The following AKT3 variants were observed in gnomAD, a reference collection of about 807,000 sequenced individuals.
AKT3 encodes AKT serine/threonine kinase 3, also known as RAC-gamma serine/threonine-protein kinase.
A neutral mutation model predicts 65.3 loss-of-function variants in AKT3; 15 were observed. That is an observed-to-expected ratio of 0.23 (90% CI 0.15 to 0.35). The LOEUF is 0.35. Ranked by LOEUF, AKT3 falls within the 10% of genes least tolerant of loss-of-function variation. The pLI, the probability that AKT3 is intolerant of heterozygous loss-of-function variation, is 1.00. For missense variants in AKT3, 243 were observed against 576.5 expected, an observed-to-expected ratio of 0.42 and a Z score of 5.92; for synonymous variants, 206 against 183.8, an observed-to-expected ratio of 1.12 and a Z score of -0.98.
chr1:243,491,559 A>C (rs1444495515), intron 13 of AKT3, among the ~76,000 whole-genome samples: 1 of 152,170 alleles, frequency 6.6e-6, no homozygotes, highest in Non-Finnish European at 1.5e-5. Flanking sequence ...GAATATCTAA[A>C]CCCAGAGCCT....
chr1:243,775,373 G>A (rs894608268), intron 2 of AKT3, among the ~76,000 whole-genome samples: 2 of 152,082 alleles, frequency 1.3e-5, no homozygotes, highest in African/African-American at 4.8e-5. Flanking sequence ...GTAGAGATGG[G>A]GTTTTACCTT....
intron 2 of AKT3, among the ~76,000 whole-genome samples, chr1:243,701,619 A>C (rs1685464473): frequency 6.6e-6 from 1 of 151,344 alleles, no homozygotes; most frequent in Non-Finnish European, 1.5e-5. Flanking sequence ...ATTAGAAACA[A>C]CACAATCACC....
chr1:243,612,178 G>A lies in AKT3; in HGVS notation c.696+1493C>T, dbSNP rs368698119. Among the ~76,000 whole-genome samples, 13 of 151,924 alleles carry A rather than the reference G, an allele frequency of 8.6e-5. No individual in the cohort carries two copies. In the East Asian group the frequency reaches 1.7e-3, roughly 20 times the overall value. ...GGCTGAAGTGCAGTGGCATGACCAT[G>A]GCTCACTGCAGCCTTGACCTCCCAG... On this transcript the variant is annotated intron_variant, in intron 8 of 13. Coordinates refer to ENST00000673466, the MANE Select transcript of AKT3 (RefSeq NM_005465.7).
Position 243,681,702 on chromosome 1 carries a change from T to C in AKT3, c.172+13889A>G, listed in dbSNP as rs571461360. Among the ~76,000 whole-genome samples the C allele has an allele frequency of 6.6e-5, 10 of 152,296 alleles. No individual in the cohort carries two copies. The South Asian group carries it at 2.1e-3, about 32-fold the overall frequency. On this transcript the variant is annotated intron_variant, in intron 3 of 13. Coordinates refer to ENST00000673466, the MANE Select transcript of AKT3 (RefSeq NM_005465.7). The stretch of plus-strand genomic sequence containing the variant: ...AGAGCTGTCATCTCTGAACACCATA[T>C]ATGATTAAATGCATTCAAACCAGGT...
chr1:243,643,084 T>A (rs1227851898), intron 5 of AKT3, among the ~76,000 whole-genome samples: 1 of 152,204 alleles, frequency 6.6e-6, no homozygotes, highest in South Asian at 2.1e-4. Context: ...ATTAGTCAAC[T>A]TCTACATTGG....
At chr1:243,745,920 G>A (rs898998616) in intron 2 of AKT3, among the ~76,000 whole-genome samples, 8 of 152,092 alleles carry the variant, frequency 5.3e-5, no homozygotes, top group Admixed American at 3.9e-4. Flanking sequence ...TGCAGTACCC[G>A]TAGTATTCAT....
At chr1:243,795,449 GTTTTTTTT>G (rs1193523598) in intron 2 of AKT3, among the ~76,000 whole-genome samples, 9 of 93,506 alleles carry the variant, frequency 9.6e-5, no homozygotes, top group African/African-American at 3.9e-4. Context: ...TGATCTCCTT[GTTTTTTTT>G]TTTTGTTTTT....
chr1:243,745,175 G>A (rs1391971511), intron 2 of AKT3, among the ~76,000 whole-genome samples: 2 of 151,760 alleles, frequency 1.3e-5, no homozygotes, highest in Non-Finnish European at 2.9e-5. Flanking sequence ...CGTCCTCTAC[G>A]GAAAATTTAA....
intron 5 of AKT3, among the ~76,000 whole-genome samples, chr1:243,644,367 T>C (rs1018975724): frequency 1.3e-5 from 2 of 152,278 alleles, no homozygotes; most frequent in South Asian, 2.1e-4. Context: ...TATCACAACC[T>C]AGTGCTAGAA....
At chr1:243,539,664 A>G (rs2148434898) in intron 12 of AKT3, among the ~76,000 whole-genome samples, 1 of 152,350 alleles carries the variant, frequency 6.6e-6, no homozygotes, top group Admixed American at 6.5e-5. Flanking sequence ...AAGAGAATTA[A>G]GCTAGGAATC....
chr1:243,497,843 T>C (rs1208698865), downstream of AKT3, among the ~76,000 whole-genome samples: 3 of 152,158 alleles, frequency 2.0e-5, no homozygotes, highest in Non-Finnish European at 2.9e-5. Flanking sequence ...CACACATGGC[T>C]AATTTTTACA....
At chr1:243,662,562 G>C (rs369795175) in intron 4 of AKT3, among the ~76,000 whole-genome samples, 1 of 121,108 alleles carries the variant, frequency 8.3e-6, no homozygotes, top group African/African-American at 3.1e-5. Flanking sequence ...GTTGTGGGGT[G>C]GGGGGAGGGG....
At chr1:243,666,661 G>A (rs1157275630) in intron 3 of AKT3, among the ~76,000 whole-genome samples, 5 of 152,120 alleles carry the variant, frequency 3.3e-5, no homozygotes, top group Non-Finnish European at 7.3e-5. Context: ...CTCGACTTAT[G>A]ACTGTGTTAC....
chr1:243,562,316 G>C (rs1673847771), intron 10 of AKT3, among the ~76,000 whole-genome samples: 1 of 152,122 alleles, frequency 6.6e-6, no homozygotes, highest in Admixed American at 6.5e-5. Flanking sequence ...GTTGCCTGTG[G>C]CGGAAGGAAG....
chr1:243,667,190 A>G (rs1402634097), intron 3 of AKT3, among the ~76,000 whole-genome samples: 2 of 152,210 alleles, frequency 1.3e-5, no homozygotes, highest in African/African-American at 4.8e-5. Context: ...TTCCACTGCT[A>G]TAATTCTACT....
intron 3 of AKT3, among the ~76,000 whole-genome samples, chr1:243,694,126 A>G (rs1198659959): frequency 6.6e-6 from 1 of 152,184 alleles, no homozygotes; most frequent in East Asian, 1.9e-4. Flanking sequence ...CATTTTGATC[A>G]GCAGATACAA....
At chr1:243,496,627 TCTC>T (rs1290072326), downstream of AKT3, among the ~76,000 whole-genome samples, 2 of 152,084 alleles carry the variant, frequency 1.3e-5, no homozygotes, top group African/African-American at 4.8e-5. Context: ...CCCGGGCAGG[TCTC>T]CTGTGAGCAG....
chr1:243,810,913 A>G (rs1225988406), intron 2 of AKT3, among the ~76,000 whole-genome samples: 1 of 152,186 alleles, frequency 6.6e-6, no homozygotes, highest in East Asian at 1.9e-4. Context: ...TAAACAGAAC[A>G]ACGACAAAAA....
At chr1:243,667,923 T>TC (rs1216108858) in intron 3 of AKT3, among the ~76,000 whole-genome samples, 2 of 151,998 alleles carry the variant, frequency 1.3e-5, no homozygotes, top group Non-Finnish European at 1.5e-5. Flanking sequence ...TAACATTCTT[T>TC]CCCCCCTCAC....
Sources: allele counts gnomAD v4.1 joint callset (sites outside exome capture counted in the v4.1 genomes callset), GRCh38; gene constraint gnomAD v4.1.1; transcripts MANE v1.5; gene names NCBI Gene and HGNC (gene_info 2026-07-23, HGNC 2026-07-21).